The following CRPPA variants were observed in gnomAD, a reference collection of about 807,000 sequenced individuals.
CRPPA encodes the protein D-ribitol-5-phosphate cytidylyltransferase.
CRPPA carries 43 observed loss-of-function variants against 52.0 expected under a neutral mutation model. That is an observed-to-expected ratio of 0.83 (90% CI 0.65 to 1.07). CRPPA has a LOEUF of 1.07. CRPPA is among the 50% of genes least tolerant of loss of function. The pLI is 0.00. For synonymous variants in CRPPA, 250 were observed against 203.5 expected (o/e 1.23, Z -1.94); for missense variants, 629 against 551.7 (o/e 1.14, Z -1.40).
chr7:16,191,433 G>C (rs929575617), intron 9 of CRPPA, among the ~76,000 whole-genome samples: 6 of 152,118 alleles, frequency 3.9e-5, no homozygotes, highest in African/African-American at 1.4e-4. Context: ...AGAATTCTGA[G>C]AGTAAAATAG....
chr7:16,191,643 G>A (rs1219117634), intron 9 of CRPPA, among the ~76,000 whole-genome samples: 1 of 152,088 alleles, frequency 6.6e-6, no homozygotes, highest in East Asian at 1.9e-4. Context: ...ACTAGTCTTA[G>A]CTATATTGGA....
intron 1 of CRPPA, among the ~76,000 whole-genome samples, chr7:16,415,357 A>G (rs2128320093): frequency 6.6e-6 from 1 of 152,308 alleles, no homozygotes; most frequent in Non-Finnish European, 1.5e-5. Flanking sequence ...CTCAGGCACT[A>G]AGGATCTCAC....
intron 3 of CRPPA, among the ~76,000 whole-genome samples, chr7:16,366,584 T>C (rs191189680): frequency 6.6e-6 from 1 of 152,062 alleles, no homozygotes; most frequent in African/African-American, 2.4e-5. Context: ...ATAAAAGTAA[T>C]TTATGCTTTT....
At chr7:16,409,807 T>C (rs538839101) in intron 1 of CRPPA, among the ~76,000 whole-genome samples, 2 of 152,242 alleles carry the variant, frequency 1.3e-5, no homozygotes, top group Non-Finnish European at 2.9e-5. Context: ...AAGAAATTTT[T>C]ACCATTTTTC....
chr7:16,214,357 C>T (rs1782245033), intron 9 of CRPPA, among the ~76,000 whole-genome samples: 1 of 152,172 alleles, frequency 6.6e-6, no homozygotes, highest in Non-Finnish European at 1.5e-5. Context: ...TTTACACTCT[C>T]CATTTTCTGA....
chr7:16,395,970 T>C (rs1787558867), intron 2 of CRPPA, among the ~76,000 whole-genome samples: 1 of 152,212 alleles, frequency 6.6e-6, no homozygotes, highest in Non-Finnish European at 1.5e-5. Flanking sequence ...CTCATTCCCA[T>C]AGCACCTCAG....
At chr7:16,192,650 G>C (rs908395987) in intron 9 of CRPPA, among the ~76,000 whole-genome samples, 8 of 152,150 alleles carry the variant, frequency 5.3e-5, no homozygotes, top group Non-Finnish European at 7.4e-5. Context: ...TTCCATCGCT[G>C]AACATGTTTG....
chr7:16,257,937 T>G (rs1466418282), intron 8 of CRPPA, among the ~76,000 whole-genome samples: 1 of 152,144 alleles, frequency 6.6e-6, no homozygotes. Flanking sequence ...GAATTCTCTT[T>G]AATTCGTGTT....
At chr7:16,298,915 C>A (rs543147659) in intron 5 of CRPPA, among the ~76,000 whole-genome samples, 9 of 152,308 alleles carry the variant, frequency 5.9e-5, no homozygotes, top group South Asian at 4.1e-4. Context: ...GATTTACACC[C>A]TTGACTTCCC....
At chr7:16,351,225 TA>T (rs1562647954) in intron 3 of CRPPA, among the ~76,000 whole-genome samples, 1 of 152,046 alleles carries the variant, frequency 6.6e-6, no homozygotes, top group Non-Finnish European at 1.5e-5. Context: ...AACTGAAACT[TA>T]AGCCCTTCTT....
At chr7:16,391,072 G>T (rs1787430117) in intron 2 of CRPPA, among the ~76,000 whole-genome samples, 1 of 152,050 alleles carries the variant, frequency 6.6e-6, no homozygotes, top group Admixed American at 6.6e-5. Flanking sequence ...GAATTCTCTT[G>T]AATTCTGGAT....
At chr7:16,206,360 C>G (rs1407460032) in intron 9 of CRPPA, among the ~76,000 whole-genome samples, 2 of 152,166 alleles carry the variant, frequency 1.3e-5, no homozygotes, top group Admixed American at 1.3e-4. Flanking sequence ...CAAAATTAAA[C>G]TTCCTTTACT....
intron 9 of CRPPA, among the ~76,000 whole-genome samples, chr7:16,106,558 T>C (rs1782155823): frequency 6.6e-6 from 1 of 152,122 alleles, no homozygotes; most frequent in Admixed American, 6.6e-5. Flanking sequence ...ACTGGAGAAC[T>C]CACAACAAGT....
chr7:16,100,863 G>A (rs751887296), intron 9 of CRPPA, among the ~76,000 whole-genome samples: 1 of 152,116 alleles, frequency 6.6e-6, no homozygotes, highest in East Asian at 1.9e-4. Flanking sequence ...TAGCATGAAG[G>A]GGTGTTGAAT....
intron 4 of CRPPA, among the ~76,000 whole-genome samples, chr7:16,304,846 C>T (rs6948602): frequency 0.69 from 104,441 of 151,984 alleles, 36,248 homozygotes; most frequent in Middle Eastern, 0.74. Flanking sequence ...GATCTTCCTT[C>T]GCCTTACACT....
intron 8 of CRPPA, among the ~76,000 whole-genome samples, chr7:16,224,962 A>G (rs373942740): frequency 1.3e-5 from 2 of 152,168 alleles, no homozygotes. Context: ...ATTATAAACT[A>G]TCATGGAAAC....
At chr7:16,347,570 G>C (rs1393372030) in intron 3 of CRPPA, among the ~76,000 whole-genome samples, 1 of 152,108 alleles carries the variant, frequency 6.6e-6, no homozygotes, top group African/African-American at 2.4e-5. Flanking sequence ...CAATATGGCA[G>C]AACAGGAGGC....
In CRPPA at chr7:16,406,213, T is replaced by G. The variant is rs765435429; in HGVS notation, c.382A>C (p.Arg128=). ...SLVEAGVTRH[R]SIFNGLKALA... ...GCTTTTAGTCCATTGAAAATTGACC[T>G]GTGGCGGGTCACTCCAGCTTCGACC... The change falls in exon 2 of 10, where the codon AGG becomes CGG. Residue 128 remains arginine, a synonymous_variant. Coordinates refer to ENST00000407010, the MANE Select transcript of CRPPA (RefSeq NM_001101426.4). The G allele has an allele frequency of 6.2e-7, 1 of 1,613,920 alleles. No individual in the cohort carries two copies. Among genetic ancestry groups the G allele is most frequent in the African/African-American group, 1.3e-5 (1 of 74,958 alleles).
chr7:16,334,659 T>G (rs1376129610), intron 3 of CRPPA, among the ~76,000 whole-genome samples: 2 of 152,030 alleles, frequency 1.3e-5, no homozygotes, highest in Non-Finnish European at 2.9e-5. Context: ...AGAACTCAGG[T>G]GACAGCCTCA....
Sources: allele counts gnomAD v4.1 joint callset (sites outside exome capture counted in the v4.1 genomes callset), GRCh38; gene constraint gnomAD v4.1.1; transcripts MANE v1.5; gene names NCBI Gene and HGNC (gene_info 2026-07-23, HGNC 2026-07-21).